Variants in RBFOX1 observed in about 807,000 individuals in gnomAD.
RBFOX1 encodes RNA binding protein fox-1 homolog 1.
In RBFOX1, 8 loss-of-function variants were observed where a neutral mutation model predicts 57.7. That is an observed-to-expected ratio of 0.14 (90% CI 0.08 to 0.25). RBFOX1 has a LOEUF of 0.25. RBFOX1 is among the 10% of genes least tolerant of loss of function. The pLI is 1.00. For synonymous variants in RBFOX1, 326 were observed against 222.4 expected, an observed-to-expected ratio of 1.47 and a Z score of -4.15; for missense variants, 611 against 548.5, an observed-to-expected ratio of 1.11 and a Z score of -1.14.
At chr16:7,365,738 G>C (rs1216060152) in intron 4 of RBFOX1, among the ~76,000 whole-genome samples, 1 of 152,208 alleles carries the variant, frequency 6.6e-6, no homozygotes, top group Non-Finnish European at 1.5e-5. Flanking sequence ...CAGAGATAGA[G>C]AAACCCTGTT....
chr16:5,574,526 G>C (rs953002984), intron 2 of RBFOX1, among the ~76,000 whole-genome samples: 2 of 151,018 alleles, frequency 1.3e-5, no homozygotes, highest in East Asian at 3.9e-4. Context: ...AGTGATTCTC[G>C]TGCCTCAGCC....
chr16:7,351,953 T>C (rs772035713), intron 4 of RBFOX1, among the ~76,000 whole-genome samples: 21 of 152,140 alleles, frequency 1.4e-4, no homozygotes, highest in Non-Finnish European at 2.5e-4. Context: ...CCAGGGACTT[T>C]GATGCCATTT....
At chr16:5,962,275 C>A (rs758597563) in intron 4 of RBFOX1, among the ~76,000 whole-genome samples, 16 of 152,306 alleles carry the variant, frequency 1.1e-4, no homozygotes, top group South Asian at 6.2e-4. Context: ...CAGTATTTCC[C>A]TAAATTGTTT....
At chr16:7,554,650 C>CT (rs879487833) in intron 5 of RBFOX1, among the ~76,000 whole-genome samples, 61 of 147,186 alleles carry the variant, frequency 4.1e-4, no homozygotes, top group Admixed American at 7.5e-4. Context: ...AGCCTCTAAC[C>CT]TTTTTTTTTT....
At chr16:5,525,090 G>C (rs1262114388) in intron 2 of RBFOX1, among the ~76,000 whole-genome samples, 1 of 152,126 alleles carries the variant, frequency 6.6e-6, no homozygotes, top group East Asian at 1.9e-4. Context: ...TGCTCCCCTG[G>C]TGTCTAATGC....
intron 1 of RBFOX1, among the ~76,000 whole-genome samples, chr16:6,195,606 C>T (rs188449564): frequency 3.5e-3 from 527 of 152,048 alleles, no homozygotes; most frequent in African/African-American, 0.012. Flanking sequence ...GTAGTCCCAG[C>T]TACTTGGGAG....
intron 1 of RBFOX1, among the ~76,000 whole-genome samples, chr16:5,318,854 T>C (rs552515419): frequency 1.3e-5 from 2 of 152,310 alleles, no homozygotes; most frequent in South Asian, 2.1e-4. Flanking sequence ...GAGTTGGGGT[T>C]GGGCATGGTG....
chr16:7,567,658 T>G (rs1259123981), intron 5 of RBFOX1, among the ~76,000 whole-genome samples: 1 of 132,928 alleles, frequency 7.5e-6, no homozygotes, highest in Non-Finnish European at 1.6e-5. Context: ...GCCCTATATA[T>G]ATATATCCCT....
At chr16:6,159,953 C>T (rs183749148) in intron 1 of RBFOX1, among the ~76,000 whole-genome samples, 3 of 152,282 alleles carry the variant, frequency 2.0e-5, no homozygotes, top group African/African-American at 4.8e-5. Context: ...GACATAGTAG[C>T]CAGGTGCTTC....
chr16:5,626,411 G>T (rs1018264435), intron 3 of RBFOX1, among the ~76,000 whole-genome samples: 3 of 152,068 alleles, frequency 2.0e-5, no homozygotes, highest in Non-Finnish European at 4.4e-5. Context: ...GGTTGGACTG[G>T]GACTCACTCT....
intron 4 of RBFOX1, among the ~76,000 whole-genome samples, chr16:7,446,478 C>T (rs10221147): frequency 8.8e-4 from 134 of 152,298 alleles, no homozygotes; most frequent in African/African-American, 3.0e-3. Flanking sequence ...CATTTGCCTG[C>T]CGCTGAGCTA....
At chr16:7,460,389 A>ATATATATGTGTGTGTG in intron 4 of RBFOX1, among the ~76,000 whole-genome samples, 12 of 87,214 alleles carry the variant, frequency 1.4e-4, no homozygotes, top group African/African-American at 7.2e-4. Flanking sequence ...ATATATATAT[A>ATATATATGTGTGTGTG]TGTGTGTGTG....
chr16:7,453,162 A>G (rs530077239), intron 4 of RBFOX1, among the ~76,000 whole-genome samples: 1 of 151,290 alleles, frequency 6.6e-6, no homozygotes, highest in East Asian at 2.0e-4. Flanking sequence ...CAATCATGAT[A>G]CATGCTACAT....
At chr16:5,462,632 T>C (rs1422539742) in intron 1 of RBFOX1, among the ~76,000 whole-genome samples, 1 of 152,208 alleles carries the variant, frequency 6.6e-6, no homozygotes, top group African/African-American at 2.4e-5. Flanking sequence ...TTAGGAATTT[T>C]GGATGCTGAT....
At chr16:6,250,487 A>G (rs1467115589) in intron 1 of RBFOX1, among the ~76,000 whole-genome samples, 2 of 152,162 alleles carry the variant, frequency 1.3e-5, no homozygotes, top group South Asian at 4.1e-4. Context: ...CACAGGCAGT[A>G]CATGGCTTGG....
chr16:7,170,684 T>C (rs2080513530), intron 4 of RBFOX1, among the ~76,000 whole-genome samples: 1 of 152,204 alleles, frequency 6.6e-6, no homozygotes, highest in South Asian at 2.1e-4. Flanking sequence ...TGTTTTGTTT[T>C]CTTTGGGTTT....
intron 3 of RBFOX1, among the ~76,000 whole-genome samples, chr16:6,823,212 T>C (rs2091607497): frequency 6.6e-6 from 1 of 152,066 alleles, no homozygotes; most frequent in Admixed American, 6.6e-5. Flanking sequence ...GCATTCTACT[T>C]CACTGACCTC....
chr16:6,753,954 C>A (rs2154193389), intron 3 of RBFOX1, among the ~76,000 whole-genome samples: 1 of 152,230 alleles, frequency 6.6e-6, no homozygotes, highest in Admixed American at 6.5e-5. Context: ...AGAAGAGAAT[C>A]ACTCCTTATG....
intron 3 of RBFOX1, among the ~76,000 whole-genome samples, chr16:6,869,937 C>T (rs547231053): frequency 6.6e-6 from 1 of 152,158 alleles, no homozygotes; most frequent in Admixed American, 6.5e-5. Context: ...ATCTCAGCGT[C>T]TTGGGGACTG....
Sources: allele counts gnomAD v4.1 joint callset (sites outside exome capture counted in the v4.1 genomes callset), GRCh38; gene constraint gnomAD v4.1.1; transcripts MANE v1.5; gene names NCBI Gene and HGNC (gene_info 2026-07-23, HGNC 2026-07-21).